FRMPD4: variants seen among roughly 807,000 people sequenced by gnomAD.
FRMPD4 encodes FERM and PDZ domain-containing protein 4.
Under a neutral mutation model 94.1 loss-of-function variants are expected in FRMPD4, and 22 were observed. The ratio of observed to expected loss-of-function variants is 0.23; its 90% CI spans 0.17 to 0.33. FRMPD4 has a LOEUF of 0.33. Among genes scored for constraint, FRMPD4 ranks in the 10% least tolerant of loss-of-function variants. FRMPD4 has a pLI of 1.00. For missense variants in FRMPD4, 1,111 were observed against 1,339.9 expected, an observed-to-expected ratio of 0.83 and a Z score of 2.67; for synonymous variants, 631 against 548.6, an observed-to-expected ratio of 1.15 and a Z score of -2.10.
At chrX:12,312,401 T>C (rs1447027089) in intron 1 of FRMPD4, among the ~76,000 whole-genome samples, 3 of 107,444 alleles carry the variant, frequency 2.8e-5, no homozygotes, top group Non-Finnish European at 3.9e-5. Flanking sequence ...TACAGGCGCC[T>C]GCCACCACGC....
chrX:12,678,740 A>C (rs909434809), intron 5 of FRMPD4, among the ~76,000 whole-genome samples: 2 of 111,782 alleles, frequency 1.8e-5, no homozygotes, highest in Non-Finnish European at 3.8e-5. Context: ...CAGGAGAATC[A>C]CTTGAACCTG....
At chrX:12,720,425 C>G in intron 16 of FRMPD4, 109 bp from the exon 17 acceptor site, 1 of 834,513 alleles carries the variant, frequency 1.2e-6, no homozygotes, top group South Asian at 2.4e-5. Context: ...GGCAGCCCTT[C>G]CAGACTACAA....
rs903887066 is a variant in FRMPD4 at position 12,313,269 on chromosome X, C to G, written c.41+174257C>G. On this transcript the variant is annotated intron_variant, in intron 1 of 16. Transcript: ENST00000675598. ...GAGGTAGAAGTCAGGACTCTGGAGT[C>G]AGGGGTAGTGACAAAATGTAGGGTT... 8.0e-5 allele frequency among the ~76,000 whole-genome samples: 9 copies of G among 111,950 alleles called. No individual in the cohort carries two copies. The Admixed American group carries it at 8.5e-4, about 11-fold the overall frequency.
At chrX:11,898,037 G>A (rs925965912) in intron 3 of FRMPD4, among the ~76,000 whole-genome samples, 4 of 111,363 alleles carry the variant, frequency 3.6e-5, no homozygotes, top group Non-Finnish European at 7.5e-5. Flanking sequence ...AGTATTCTAG[G>A]CAAAGAACAA....
At chrX:12,077,858 A>G (rs2055032816) in intron 3 of FRMPD4, among the ~76,000 whole-genome samples, 1 of 111,681 alleles carries the variant, frequency 9.0e-6, no homozygotes, top group African/African-American at 3.3e-5. Context: ...CTGCTCCTCC[A>G]TGGGGTGTTC....
rs778432602 is a variant in FRMPD4, at chrX:11,983,503, T to A, written c.95+105485T>A. 1.2e-4 allele frequency among the ~76,000 whole-genome samples: 14 copies of A among 112,548 alleles called. No individual in the cohort carries two copies. In the East Asian group the frequency reaches 3.6e-3, roughly 29 times the overall value. ...CAATTTTGCCCTCCGGATTTTTTAC[T>A]TTCATGCTAGCTCAGTGAAACATTA... On this transcript the variant is annotated intron_variant, in intron 3 of 18. Transcript: ENST00000640291.
intron 14 of FRMPD4, 99 bp downstream of exon 14, chrX:12,710,636 G>C: frequency 1.3e-6 from 1 of 797,086 alleles, no homozygotes; most frequent in Non-Finnish European, 1.8e-6. Context: ...GGCCAGGCGC[G>C]GTGGCTCACG....
intron 2 of FRMPD4, among the ~76,000 whole-genome samples, chrX:12,528,934 C>G (rs1413992989): frequency 8.9e-6 from 1 of 112,390 alleles, no homozygotes. Flanking sequence ...ACTTATTTAT[C>G]AACCTACCCA....
intron 3 of FRMPD4, among the ~76,000 whole-genome samples, chrX:12,109,491 C>A (rs549121831): frequency 1.3e-4 from 15 of 111,713 alleles, no homozygotes; most frequent in African/African-American, 4.6e-4. Context: ...AAAATCAAGA[C>A]CCTAACATCA....
At chrX:11,997,475 T>C (rs2054502635) in intron 3 of FRMPD4, among the ~76,000 whole-genome samples, 1 of 111,847 alleles carries the variant, frequency 8.9e-6, no homozygotes, top group Non-Finnish European at 1.9e-5. Flanking sequence ...TGGCTTACAA[T>C]AATATGCATT....
intron 1 of FRMPD4, among the ~76,000 whole-genome samples, chrX:12,231,250 G>T (rs2057004797): frequency 2.0e-5 from 2 of 100,637 alleles, no homozygotes; most frequent in Non-Finnish European, 4.0e-5. Context: ...GAGTATAGTG[G>T]GTAAATTCCG....
At chrX:12,431,217 T>A in intron 1 of FRMPD4, among the ~76,000 whole-genome samples, 1 of 112,636 alleles carries the variant, frequency 8.9e-6, no homozygotes, top group Non-Finnish European at 1.9e-5. Flanking sequence ...GAGGAAAACA[T>A]AGAGAAATCA....
At chrX:12,411,398 G>A (rs35657063) in intron 1 of FRMPD4, among the ~76,000 whole-genome samples, 7,897 of 112,021 alleles carry the variant, frequency 0.07, 316 homozygotes, top group African/African-American at 0.15. Flanking sequence ...ACGCTTTTCT[G>A]TGTACCAGTA....
intron 1 of FRMPD4, among the ~76,000 whole-genome samples, chrX:11,856,594 A>G (rs2053655324): frequency 8.9e-6 from 1 of 112,010 alleles, no homozygotes; most frequent in South Asian, 3.7e-4. Context: ...ACCCATAGCC[A>G]GTATCATATT....
chrX:11,983,315 C>G (rs1228262807), intron 3 of FRMPD4, among the ~76,000 whole-genome samples: 2 of 112,051 alleles, frequency 1.8e-5, no homozygotes, highest in Non-Finnish European at 3.8e-5. Flanking sequence ...AAAGGGTGGT[C>G]TAGTATACTT....
intron 2 of FRMPD4, among the ~76,000 whole-genome samples, chrX:12,521,961 G>A (rs1208301322): frequency 9.0e-6 from 1 of 110,970 alleles, no homozygotes; most frequent in East Asian, 2.8e-4. Flanking sequence ...AATACCCATG[G>A]GGCTATAGGA....
intron 1 of FRMPD4, among the ~76,000 whole-genome samples, chrX:12,244,963 TG>T (rs1221783283): frequency 2.7e-5 from 3 of 112,639 alleles, no homozygotes; most frequent in African/African-American, 9.7e-5. Flanking sequence ...GGTGGCACTG[TG>T]AGGGGCGTAA....
chrX:12,230,927 C>CTATATATACTATATAGTATA (rs1240931563), intron 1 of FRMPD4, among the ~76,000 whole-genome samples: 1 of 74,112 alleles, frequency 1.3e-5, no homozygotes, highest in Non-Finnish European at 2.4e-5. Flanking sequence ...TACTATATTA[C>CTATATATACTATATAGTATA]TATATATACT....
intron 3 of FRMPD4, among the ~76,000 whole-genome samples, chrX:11,892,338 C>G (rs2053879799): frequency 2.7e-5 from 3 of 112,216 alleles, no homozygotes; most frequent in Admixed American, 9.4e-5. Flanking sequence ...AGGCCCTTAT[C>G]AAGTGAAATG....
Sources: allele counts gnomAD v4.1 joint callset (sites outside exome capture counted in the v4.1 genomes callset), GRCh38; gene constraint gnomAD v4.1.1; transcripts MANE v1.5; gene names NCBI Gene and HGNC (gene_info 2026-07-23, HGNC 2026-07-21).